DPP4: variants seen among roughly 807,000 people sequenced by gnomAD.
The protein encoded by DPP4 is dipeptidyl peptidase 4.
In DPP4, 93 loss-of-function variants were observed where a neutral mutation model predicts 122.4. The observed-to-expected ratio is 0.76, with a 90% CI of 0.64 to 0.90. The LOEUF (loss-of-function observed/expected upper bound fraction) is 0.90, where lower values mean the gene tolerates loss of function less well. Ranked by LOEUF, DPP4 falls within the 40% of genes least tolerant of loss-of-function variation. The probability of loss-of-function intolerance (pLI) is 0.00; values close to 1 mark genes in which losing one functional copy is unlikely to be tolerated. For missense variants in DPP4, 914 were observed against 907.3 expected, an observed-to-expected ratio of 1.01 and a Z score of -0.09; for synonymous variants, 321 against 302.9, an observed-to-expected ratio of 1.06 and a Z score of -0.62.
At chr2:162,035,929 CTCTGGTGTATATGCTGATGGG>C (rs1683753534) in intron 8 of DPP4, among the ~76,000 whole-genome samples, 1 of 152,158 alleles carries the variant, frequency 6.6e-6, no homozygotes, top group African/African-American at 2.4e-5. Context: ...TAACACACTG[CTCTGGTGTATATGCTGATGGG>C]TAAGAGAAGA....
chr2:162,059,614 G>A (rs916082119), intron 2 of DPP4, among the ~76,000 whole-genome samples: 2 of 152,164 alleles, frequency 1.3e-5, no homozygotes, highest in Non-Finnish European at 2.9e-5. Flanking sequence ...CTGCATTTAT[G>A]GAAACTGAAA....
intron 2 of DPP4, among the ~76,000 whole-genome samples, chr2:162,047,732 A>G (rs889015576): frequency 2.2e-4 from 33 of 152,168 alleles, no homozygotes; most frequent in East Asian, 1.9e-4. Flanking sequence ...GTATTATGCT[A>G]TATTAGTGGG....
chr2:162,056,753 T>A (rs2106147568), intron 2 of DPP4, among the ~76,000 whole-genome samples: 1 of 152,336 alleles, frequency 6.6e-6, no homozygotes, highest in East Asian at 1.9e-4. Context: ...AGGAGGGGCC[T>A]GAATTCTGCC....
chr2:162,071,571 G>T (rs1685120078), intron 2 of DPP4, among the ~76,000 whole-genome samples: 1 of 152,178 alleles, frequency 6.6e-6, no homozygotes, highest in South Asian at 2.1e-4. Context: ...GAACCCGGGA[G>T]GGGGAGACTT....
chr2:162,014,285 G>A (rs886564014), intron 19 of DPP4, 111 bp downstream of exon 19: 2 of 834,094 alleles, frequency 2.4e-6, no homozygotes, highest in East Asian at 2.6e-5. Flanking sequence ...AGTAAACAGT[G>A]ATCCAGGAAG....
rs1020748584 is a variant in DPP4, at chr2:162,051,204, A to G, written c.95-3703T>C. On this transcript the variant is annotated intron_variant, in intron 2 of 25. Coordinates refer to ENST00000360534, the MANE Select transcript of DPP4 (RefSeq NM_001935.4). ...TTAAAATGGCTCAATCTAATAATAA[A>G]TTCTTATCAAAGTGTTAAGGTATCT... is the stretch of plus-strand genomic sequence containing the variant. Among the ~76,000 whole-genome samples, 6 of 152,232 alleles carry G rather than the reference A, an allele frequency of 3.9e-5. No homozygotes were observed. The East Asian group carries it at 7.7e-4, about 20-fold the overall frequency.
chr2:162,059,973 T>C (rs1684707830), intron 2 of DPP4, among the ~76,000 whole-genome samples: 1 of 152,234 alleles, frequency 6.6e-6, no homozygotes, highest in Non-Finnish European at 1.5e-5. Context: ...CTTATGCTCA[T>C]TCCCATTTTA....
intron 2 of DPP4, among the ~76,000 whole-genome samples, chr2:162,062,261 G>T (rs1045270674): frequency 6.6e-6 from 1 of 152,166 alleles, no homozygotes; most frequent in Non-Finnish European, 1.5e-5. Flanking sequence ...CAGCCTGAGC[G>T]ACAGAGCAAG....
intron 10 of DPP4, among the ~76,000 whole-genome samples, chr2:162,030,132 TA>T (rs1191671297): frequency 1.3e-5 from 2 of 152,202 alleles, no homozygotes; most frequent in African/African-American, 4.8e-5. Context: ...AGATAAAAGT[TA>T]GGAGATTTAT....
intron 5 of DPP4, among the ~76,000 whole-genome samples, chr2:162,043,726 G>C (rs1322230950): frequency 6.6e-6 from 1 of 152,162 alleles, no homozygotes; most frequent in Non-Finnish European, 1.5e-5. Context: ...ACCTATGACA[G>C]TTTAAAATAT....
chr2:162,054,524 A>C (rs1684499424), intron 2 of DPP4, among the ~76,000 whole-genome samples: 1 of 152,174 alleles, frequency 6.6e-6, no homozygotes, highest in East Asian at 1.9e-4. Context: ...TCTTGAAACT[A>C]AATCTTTGTT....
Position 162,020,230 on chromosome 2 carries a change from G to T in DPP4, c.1243C>A (p.Leu415Ile). 1 of 1,607,364 alleles carries T rather than the reference G, an allele frequency of 6.2e-7. No individual in the cohort carries two copies. The highest frequency in any genetic ancestry group is 8.5e-7 in the Non-Finnish European group (1 of 1,177,150). ...CCTATCAATTGTTACAATACTCACAGATAATCACTGGTTAGAGCTTCTATC... is the reference window on the plus strand; with the variant it reads ...CCTATCAATTGTTACAATACTCACATATAATCACTGGTTAGAGCTTCTATC... ...IGIEALTSDY[L>I]YYISNEYKGM... Residue 415 changes from leucine (L) to isoleucine (I), a missense_variant and splice_region_variant, in exon 14 of 26, where the codon CTA becomes ATA. Transcript: ENST00000360534.
At position 162,016,881 on chromosome 2, in the gene DPP4, G is replaced by C. The variant is rs201635954; in HGVS notation, c.1469-15C>G. ...GACTCTCAGCCCTAAAGAAATACAG[G>C]AGACAGCAGTCATTCATTACAATGT... is the stretch of plus-strand genomic sequence containing the variant. On this transcript the variant is annotated splice_polypyrimidine_tract_variant and intron_variant, in intron 17 of 25. Coordinates refer to ENST00000360534, the MANE Select transcript of DPP4 (RefSeq NM_001935.4). 6.3e-7 allele frequency: 1 copy of C among 1,595,154 alleles called. No homozygotes were observed.
intron 23 of DPP4, among the ~76,000 whole-genome samples, chr2:161,998,480 C>T (rs1701062374): frequency 6.6e-6 from 1 of 152,142 alleles, no homozygotes; most frequent in Non-Finnish European, 1.5e-5. Context: ...TACAACTGTG[C>T]CACCTCACCT....
At chr2:162,046,883 T>A in intron 4 of DPP4, 32 bp downstream of exon 4, 2 of 1,367,548 alleles carry the variant, frequency 1.5e-6, no homozygotes, top group Non-Finnish European at 2.1e-6. Context: ...CCCAGAATTC[T>A]ATGCATGAAT....
intron 12 of DPP4, among the ~76,000 whole-genome samples, 176 bp from the exon 13 acceptor site, chr2:162,020,864 A>G (rs1683100155): frequency 6.6e-6 from 1 of 152,248 alleles, no homozygotes; most frequent in South Asian, 2.1e-4. Flanking sequence ...ATGTGAACAA[A>G]AACACCATAC....
intron 10 of DPP4, among the ~76,000 whole-genome samples, chr2:162,025,570 G>A (rs1212462994): frequency 6.6e-6 from 1 of 152,010 alleles, no homozygotes; most frequent in Non-Finnish European, 1.5e-5. Context: ...TGTAAACAGA[G>A]GTATCTCTAG....
intron 2 of DPP4, among the ~76,000 whole-genome samples, chr2:162,061,713 A>T (rs181144784): frequency 6.6e-6 from 1 of 152,342 alleles, no homozygotes; most frequent in Non-Finnish European, 1.5e-5. Context: ...CTGAGCTCCA[A>T]GATAATTTCT....
intron 17 of DPP4, 61 bp downstream of exon 17, chr2:162,017,047 T>A: frequency 6.5e-7 from 1 of 1,542,632 alleles, no homozygotes; most frequent in Non-Finnish European, 8.9e-7. Flanking sequence ...GCTAAGTACA[T>A]GTTAGACTTA....
Sources: allele counts gnomAD v4.1 joint callset (sites outside exome capture counted in the v4.1 genomes callset), GRCh38; gene constraint gnomAD v4.1.1; transcripts MANE v1.5; gene names NCBI Gene and HGNC (gene_info 2026-07-23, HGNC 2026-07-21).